ADTRP: variants seen among roughly 807,000 people sequenced by gnomAD.
ADTRP encodes the protein androgen dependent TFPI regulating protein.
A neutral mutation model predicts 27.0 loss-of-function variants in ADTRP; 20 were observed. The ratio of observed to expected loss-of-function variants is 0.74; its 90% CI spans 0.52 to 1.08. The LOEUF is 1.08. Among genes scored for constraint, ADTRP ranks in the 50% least tolerant of loss-of-function variants. ADTRP has a pLI of 0.00. For synonymous variants in ADTRP, 101 were observed against 105.2 expected, an observed-to-expected ratio of 0.96 and a Z score of 0.25; for missense variants, 251 against 275.0, an observed-to-expected ratio of 0.91 and a Z score of 0.62.
In ADTRP at chr6:11,766,687, T is replaced by C. The variant is rs113863787; in HGVS notation, c.289-312A>G. 1.4e-3 allele frequency among the ~76,000 whole-genome samples: 216 copies of C among 152,314 alleles called. 4 individuals carry two copies. Among genetic ancestry groups the C allele is most frequent in the African/African-American group, 5.0e-3 (206 of 41,568 alleles). On this transcript the variant is annotated intron_variant, in intron 2 of 5. Coordinates refer to ENST00000414691, the MANE Select transcript of ADTRP (RefSeq NM_032744.4). Reference sequence around the variant, plus strand: ...GATTCCCAGACCATTAGTCATTTATTTTAACCAATAACTTCTTTTTCTAAA... The same window carrying C: ...GATTCCCAGACCATTAGTCATTTATCTTAACCAATAACTTCTTTTTCTAAA...
At chr6:11,715,390 G>A (rs895778702) in intron 5 of ADTRP, among the ~76,000 whole-genome samples, 1 of 152,218 alleles carries the variant, frequency 6.6e-6, no homozygotes, top group African/African-American at 2.4e-5. Context: ...TATCATGACT[G>A]GTGACTTGAA....
intron 3 of ADTRP, among the ~76,000 whole-genome samples, chr6:11,745,087 T>C (rs1026850279): frequency 2.6e-5 from 4 of 152,180 alleles, no homozygotes; most frequent in Non-Finnish European, 4.4e-5. Context: ...TCTAAAGGGA[T>C]GTGCAGGCTG....
intron 3 of ADTRP, among the ~76,000 whole-genome samples, chr6:11,754,152 T>C (rs1763138992): frequency 1.3e-5 from 2 of 152,214 alleles, no homozygotes; most frequent in African/African-American, 2.4e-5. Context: ...CACACTTCAG[T>C]AGATACTGGC....
At chr6:11,745,843 C>T (rs1252782647) in intron 3 of ADTRP, among the ~76,000 whole-genome samples, 6 of 151,702 alleles carry the variant, frequency 4.0e-5, no homozygotes, top group Non-Finnish European at 7.4e-5. Flanking sequence ...CAGGCTGGAG[C>T]GCAGTGACAT....
At chr6:11,738,626 T>C (rs1326716812) in intron 3 of ADTRP, 1 of 152,262 alleles carries the variant, frequency 6.6e-6, no homozygotes, top group East Asian at 1.9e-4. Context: ...AGAATTCCTG[T>C]GGAATAATGT....
intron 4 of ADTRP, among the ~76,000 whole-genome samples, chr6:11,727,979 T>TAGGGAGGG (rs35686998): frequency 1.1e-4 from 6 of 53,316 alleles, no homozygotes; most frequent in Non-Finnish European, 1.6e-4. Flanking sequence ...GGGAGGTAGG[T>TAGGGAGGG]AGGGAGGGAG....
intron 5 of ADTRP, among the ~76,000 whole-genome samples, chr6:11,714,910 AT>A (rs999189126): frequency 8.3e-4 from 126 of 152,340 alleles, no homozygotes; most frequent in African/African-American, 2.9e-3. Flanking sequence ...AGAAGGGTGG[AT>A]GTTCAACTAA....
rs920017389 is a variant in ADTRP at position 11,713,754 on chromosome 6, A to G, written c.*724T>C. 3.3e-5 allele frequency: 5 copies of G among 152,250 alleles called. No individual in the cohort carries two copies. The highest frequency in any genetic ancestry group is 9.6e-5 in the African/African-American group (4 of 41,466). 9.4% of individuals were successfully genotyped at this position (152,250 alleles called of 1,614,324 possible). ...GACAATGTCACTATGTTTGATGTTT[A>G]TACCTGCCCTGAATGCTTGCTCAGA... is the stretch of plus-strand genomic sequence containing the variant. On this transcript the variant is annotated 3_prime_UTR_variant, in exon 6 of 6. Coordinates refer to ENST00000414691, the MANE Select transcript of ADTRP (RefSeq NM_032744.4).
At chr6:11,733,093 G>C (rs752405693) in intron 4 of ADTRP, among the ~76,000 whole-genome samples, 3 of 152,162 alleles carry the variant, frequency 2.0e-5, no homozygotes, top group Non-Finnish European at 4.4e-5. Context: ...CCAATGCTAA[G>C]TCATCTCTAA....
intron 4 of ADTRP, among the ~76,000 whole-genome samples, chr6:11,726,462 G>C (rs750229525): frequency 6.6e-6 from 1 of 152,096 alleles, no homozygotes; most frequent in South Asian, 2.1e-4. Context: ...TAAATCTAGG[G>C]TGCCCCTCAG....
intron 5 of ADTRP, among the ~76,000 whole-genome samples, chr6:11,721,383 A>G (rs1220759918): frequency 1.3e-5 from 2 of 152,210 alleles, no homozygotes; most frequent in African/African-American, 4.8e-5. Flanking sequence ...TCTTCAGTCA[A>G]TTGGGGGAAG....
intron 1 of ADTRP, 39 bp from the exon 2 acceptor site, chr6:11,768,422 TTTAA>T: frequency 6.2e-7 from 1 of 1,611,446 alleles, no homozygotes. Flanking sequence ...TTTCATTTAC[TTTAA>T]TTAATACCTT....
intron 4 of ADTRP, among the ~76,000 whole-genome samples, chr6:11,725,333 A>G (rs1762154330): frequency 6.6e-6 from 1 of 152,228 alleles, no homozygotes; most frequent in South Asian, 2.1e-4. Flanking sequence ...AATAACAAAA[A>G]ACCCAAATAA....
At chr6:11,763,389 C>A (rs1220437205) in intron 3 of ADTRP, among the ~76,000 whole-genome samples, 1 of 152,138 alleles carries the variant, frequency 6.6e-6, no homozygotes, top group Non-Finnish European at 1.5e-5. Flanking sequence ...AAAGCTAAGG[C>A]TAAAATAGCA....
chr6:11,739,466 A>G (rs796346116), intron 3 of ADTRP, among the ~76,000 whole-genome samples: 1 of 152,214 alleles, frequency 6.6e-6, no homozygotes. Context: ...ACCATCCTCC[A>G]TAAAATGCCA....
intron 3 of ADTRP, among the ~76,000 whole-genome samples, chr6:11,754,492 A>G (rs1469106416): frequency 6.6e-6 from 1 of 152,206 alleles, no homozygotes; most frequent in South Asian, 2.1e-4. Flanking sequence ...AATATCTAAG[A>G]GCTAAGGATC....
chr6:11,753,360 A>C (rs891522206), intron 3 of ADTRP, among the ~76,000 whole-genome samples: 11 of 152,332 alleles, frequency 7.2e-5, no homozygotes, highest in African/African-American at 2.2e-4. Context: ...CTGTACCTGA[A>C]GATGATTAGG....
intron 4 of ADTRP, among the ~76,000 whole-genome samples, chr6:11,727,166 C>T (rs1319874090): frequency 5.3e-5 from 8 of 152,252 alleles, no homozygotes; most frequent in Non-Finnish European, 8.8e-5. Context: ...GGTTTACAGG[C>T]GTGCGCCACC....
At chr6:11,721,133 T>C (rs1189285376) in intron 5 of ADTRP, among the ~76,000 whole-genome samples, 1 of 152,330 alleles carries the variant, frequency 6.6e-6, no homozygotes, top group African/African-American at 2.4e-5. Context: ...GGGAAGGGCA[T>C]GAAGTCCAAC....
Sources: allele counts gnomAD v4.1 joint callset (sites outside exome capture counted in the v4.1 genomes callset), GRCh38; gene constraint gnomAD v4.1.1; transcripts MANE v1.5; gene names NCBI Gene and HGNC (gene_info 2026-07-23, HGNC 2026-07-21).